The following THSD7B variants were observed in gnomAD, a reference collection of about 807,000 sequenced individuals.
THSD7B encodes the protein thrombospondin type 1 domain containing 7B.
A neutral mutation model predicts 213.6 loss-of-function variants in THSD7B; 138 were observed. The observed-to-expected ratio is 0.65, with a 90% CI of 0.56 to 0.74. The LOEUF is 0.74. THSD7B is among the 30% of genes least tolerant of loss of function. The probability of loss-of-function intolerance (pLI) is 0.00; values close to 1 mark genes in which losing one functional copy is unlikely to be tolerated. For missense variants in THSD7B, 1,931 were observed against 1,991.5 expected, an observed-to-expected ratio of 0.97 and a Z score of 0.58; for synonymous variants, 742 against 687.0, an observed-to-expected ratio of 1.08 and a Z score of -1.25.
chr2:137,617,695 C>G (rs1682432821), intron 18 of THSD7B, among the ~76,000 whole-genome samples: 2 of 152,106 alleles, frequency 1.3e-5, no homozygotes, highest in Non-Finnish European at 2.9e-5. Context: ...TTGCTATAGA[C>G]TAAGTAGCTT....
rs200819671 is a variant in THSD7B, at chr2:137,015,290, AT to A, written c.140-41125del. On this transcript the variant is annotated intron_variant, in intron 2 of 27. Coordinates refer to ENST00000409968, the MANE Select transcript of THSD7B (RefSeq NM_001316349.2). ...TCATTTATTTCTGTGTGTCAACATT[AT>A]TTTTGACTCTGAATTACTCTGATGG... Among the ~76,000 whole-genome samples, 245 of 152,180 alleles carry A rather than the reference AT, an allele frequency of 1.6e-3. 7 individuals carry two copies. The East Asian group carries it at 0.043, about 27-fold the overall frequency.
intron 1 of THSD7B, among the ~76,000 whole-genome samples, chr2:136,847,051 C>A (rs939832306): frequency 1.3e-5 from 2 of 151,928 alleles, no homozygotes; most frequent in African/African-American, 4.8e-5. Context: ...AAGACTTTTA[C>A]AGCTGAATTA....
chr2:136,886,967 T>C (rs1683729520), intron 2 of THSD7B, among the ~76,000 whole-genome samples: 1 of 152,178 alleles, frequency 6.6e-6, no homozygotes, highest in Non-Finnish European at 1.5e-5. Context: ...TTTAAATATG[T>C]AGTCCTAGAA....
At position 137,663,470 on chromosome 2, in the gene THSD7B, G is replaced by C; in HGVS notation, c.4546G>C (p.Glu1516Gln). ...TTACTGCATGAAAGTACCAGGCTCA[G>C]AGGATAAAAAAGCTGATGTGAAAAA... ...LDYCMKVPGS[E>Q]DKKADVKNLS... is the part of the protein sequence containing the mutation. The change falls in exon 26 of 28, where the codon GAG (glutamate) becomes CAG (glutamine). Residue 1516 changes from glutamate to glutamine, a missense_variant. Transcript: ENST00000409968. 6.2e-7 allele frequency: 1 copy of C among 1,600,188 alleles called. No homozygotes were observed. The highest frequency in any genetic ancestry group is 8.5e-7 in the Non-Finnish European group (1 of 1,172,532).
chr2:137,472,085 T>C (rs1375366), intron 15 of THSD7B, among the ~76,000 whole-genome samples: 84,578 of 152,028 alleles, frequency 0.56, 26,208 homozygotes, highest in East Asian at 0.79. Context: ...GTTTAAGGCC[T>C]TTGGTTAGTC....
intron 7 of THSD7B, among the ~76,000 whole-genome samples, chr2:137,186,897 T>C (rs1051101882): frequency 8.5e-5 from 13 of 152,192 alleles, no homozygotes; most frequent in African/African-American, 3.1e-4. Context: ...CAGTGTTTTG[T>C]AGTTCTTTTT....
At chr2:137,583,185 C>T (rs147291207) in intron 17 of THSD7B, among the ~76,000 whole-genome samples, 5 of 151,524 alleles carry the variant, frequency 3.3e-5, no homozygotes, top group Middle Eastern at 3.4e-3. Flanking sequence ...TTTTGATGGG[C>T]TTGTTTTTTT....
rs1235744133 is a variant in THSD7B at position 137,575,742 on chromosome 2, A to ATATATATATATATATATATTTT, written c.3423+3187_3423+3188insATATATATATATATATATTTTT. On this transcript the variant is annotated intron_variant, in intron 17 of 27. Transcript: ENST00000409968. The stretch of plus-strand genomic sequence containing the variant: ...ATAACACACATATATATATATATAT[A>ATATATATATATATATATATTTT]TTTTTACTTTAACATGCTTACTTTT... Among the ~76,000 whole-genome samples the ATATATATATATATATATATTTT allele has an allele frequency of 4.2e-3, 613 of 147,264 alleles. 7 individuals are homozygous for ATATATATATATATATATATTTT. The highest frequency in any genetic ancestry group is 0.016 in the South Asian group (72 of 4,436).
intron 16 of THSD7B, among the ~76,000 whole-genome samples, chr2:137,571,719 T>C (rs1285783005): frequency 6.6e-6 from 1 of 152,212 alleles, no homozygotes; most frequent in Non-Finnish European, 1.5e-5. Flanking sequence ...TGCCAGTACT[T>C]ATCTCAAAAC....
chr2:137,336,150 G>A (rs1449707887), intron 12 of THSD7B, among the ~76,000 whole-genome samples: 1 of 152,064 alleles, frequency 6.6e-6, no homozygotes, highest in African/African-American at 2.4e-5. Flanking sequence ...TTAATTATGA[G>A]GATTAGATCA....
At chr2:137,623,859 C>T (rs1682569584) in intron 20 of THSD7B, among the ~76,000 whole-genome samples, 1 of 152,184 alleles carries the variant, frequency 6.6e-6, no homozygotes, top group Admixed American at 6.5e-5. Context: ...ACATTCCATG[C>T]TAATGTGTAG....
intron 10 of THSD7B, among the ~76,000 whole-genome samples, chr2:137,257,810 A>C (rs534847396): frequency 2.6e-5 from 4 of 152,272 alleles, no homozygotes. Flanking sequence ...AGGAAATAGG[A>C]CCAGGGAGAG....
At chr2:137,459,046 A>C (rs757999820) in intron 15 of THSD7B, among the ~76,000 whole-genome samples, 4 of 152,078 alleles carry the variant, frequency 2.6e-5, no homozygotes, top group Non-Finnish European at 5.9e-5. Flanking sequence ...TGGTGCAAAA[A>C]ATTTTGAAAT....
At chr2:137,533,238 C>T (rs1184607348) in intron 15 of THSD7B, among the ~76,000 whole-genome samples, 2 of 151,792 alleles carry the variant, frequency 1.3e-5, no homozygotes, top group Non-Finnish European at 2.9e-5. Context: ...CCTCTCGTAT[C>T]AGAAATGTTC....
intron 10 of THSD7B, among the ~76,000 whole-genome samples, chr2:137,272,282 T>G (rs919008013): frequency 6.6e-6 from 1 of 152,088 alleles, no homozygotes; most frequent in Non-Finnish European, 1.5e-5. Flanking sequence ...GTAAGGTAGA[T>G]TCTAATTAAA....
intron 2 of THSD7B, among the ~76,000 whole-genome samples, chr2:136,887,729 C>A (rs943955871): frequency 6.6e-6 from 1 of 152,018 alleles, no homozygotes; most frequent in African/African-American, 2.4e-5. Flanking sequence ...TAAACATTTT[C>A]TTTATAAATT....
chr2:136,978,926 A>G (rs183992201), intron 2 of THSD7B, among the ~76,000 whole-genome samples: 23 of 148,858 alleles, frequency 1.5e-4, no homozygotes, highest in African/African-American at 5.7e-4. Flanking sequence ...AGTGGTTGGT[A>G]TAGGCTTTTT....
intron 2 of THSD7B, among the ~76,000 whole-genome samples, chr2:137,022,216 T>A (rs530482458): frequency 1.7e-4 from 26 of 152,312 alleles, no homozygotes; most frequent in African/African-American, 6.3e-4. Context: ...AAGGGTGCAA[T>A]TAGTGCATTG....
At chr2:137,558,313 AAT>A (rs1277749081) in intron 15 of THSD7B, among the ~76,000 whole-genome samples, 2 of 152,218 alleles carry the variant, frequency 1.3e-5, no homozygotes, top group Non-Finnish European at 2.9e-5. Flanking sequence ...AAAAATCCTT[AAT>A]AAAATACTGG....
Sources: allele counts gnomAD v4.1 joint callset (sites outside exome capture counted in the v4.1 genomes callset), GRCh38; gene constraint gnomAD v4.1.1; transcripts MANE v1.5; gene names NCBI Gene and HGNC (gene_info 2026-07-23, HGNC 2026-07-21).